VSIG1: variants seen among roughly 807,000 people sequenced by gnomAD.
VSIG1 encodes V-set and immunoglobulin domain-containing protein 1.
Under a neutral mutation model 20.1 loss-of-function variants are expected in VSIG1, and 11 were observed. That is an observed-to-expected ratio of 0.55 (90% CI 0.34 to 0.91). The LOEUF (loss-of-function observed/expected upper bound fraction) is 0.91. Ranked by LOEUF, VSIG1 falls within the 40% of genes least tolerant of loss-of-function variation. The pLI, the probability that VSIG1 is intolerant of heterozygous loss-of-function variation, is 0.02. For missense variants in VSIG1, 283 were observed against 298.8 expected (o/e 0.95, Z 0.39); for synonymous variants, 126 against 116.7 (o/e 1.08, Z -0.52).
intron 1 of VSIG1, among the ~76,000 whole-genome samples, chrX:108,047,977 T>C (rs867078723): frequency 1.4e-4 from 8 of 56,180 alleles, no homozygotes; most frequent in South Asian, 9.3e-4. Flanking sequence ...TATATATATA[T>C]ATATATATAT....
At chrX:108,035,912 T>G in the VSIG1 span, among the ~76,000 whole-genome samples, 1 of 107,483 alleles carries the variant, frequency 9.3e-6, no homozygotes, top group South Asian at 4.3e-4. Flanking sequence ...GGTCTTCTAC[T>G]TACAAGCTGT....
rs1395835076 is a variant in VSIG1 at position 108,047,959 on chromosome X, CACATATAT to C, written c.49+2782_49+2789del. Among the ~76,000 whole-genome samples the C allele has an allele frequency of 5.3e-3, 79 of 14,802 alleles. 5 individuals are homozygous for C. Among genetic ancestry groups the C allele is most frequent in the African/African-American group, 0.017 (42 of 2,417 alleles). 12.9% of individuals were successfully genotyped at this position (14,802 alleles called of 115,157 possible). A position where few individuals can be genotyped will look rare whatever the true frequency, so the allele number is the denominator to read the frequency against. Reference sequence around the variant, plus strand: ...ACACATATATATATATATATACACACACATATATATATATATATATATATATATATATA... The same window carrying C: ...ACACATATATATATATATATACACACATATATATATATATATATATATATA... On this transcript the variant is annotated intron_variant, in intron 1 of 6. Transcript: ENST00000217957.
In VSIG1 at chrX:108,058,212, T is replaced by G; in HGVS notation, c.213+11T>G. 1 of 1,199,926 alleles carries G rather than the reference T, an allele frequency of 8.3e-7. No homozygotes were observed. The highest frequency in any genetic ancestry group is 1.8e-5 in the South Asian group (1 of 54,760). ...ATGGAGCCAATTTCTGTAAGGACAC[T>G]TTTTCCTAAACTCTTCCCCTTTTGT... On this transcript the variant is annotated intron_variant, in intron 2 of 6. Coordinates refer to ENST00000217957, the MANE Select transcript of VSIG1 (RefSeq NM_182607.5).
the VSIG1 span, among the ~76,000 whole-genome samples, chrX:108,038,416 C>A: frequency 9.0e-6 from 1 of 111,633 alleles, no homozygotes; most frequent in African/African-American, 3.3e-5. Context: ...CATGTCCCTG[C>A]AAAGGACATG....
At chrX:108,063,869 TA>T (rs747700380) in intron 2 of VSIG1, among the ~76,000 whole-genome samples, 7 of 111,140 alleles carry the variant, frequency 6.3e-5, no homozygotes, top group Non-Finnish European at 1.3e-4. Context: ...TGGATTTCCT[TA>T]AAAAAATCAC....
upstream of VSIG1, among the ~76,000 whole-genome samples, chrX:108,044,577 A>C (rs751051998): frequency 1.3e-4 from 15 of 111,917 alleles, no homozygotes; most frequent in South Asian, 5.6e-3. Context: ...TAACATATCC[A>C]GAGTTTGTTC....
chrX:108,073,862 T>C (rs1008589647), intron 5 of VSIG1: 4 of 112,057 alleles, frequency 3.6e-5, no homozygotes, highest in Middle Eastern at 4.6e-3. Context: ...CAACCACCCC[T>C]ATCTAGGGAG....
In VSIG1 at chrX:108,047,798, A is replaced by C. The variant is rs1487499621; in HGVS notation, c.49+2619A>C. 7.5e-5 allele frequency among the ~76,000 whole-genome samples: 6 copies of C among 80,070 alleles called. 1 individual carries two copies. Among genetic ancestry groups the C allele is most frequent in the African/African-American group, 2.0e-4 (4 of 19,947 alleles). The allele number at this position is 80,070 out of a possible 115,157, so 69.5% of individuals were successfully genotyped here. A position where few individuals can be genotyped will look rare whatever the true frequency, so the allele number is the denominator to read the frequency against. On this transcript the variant is annotated intron_variant, in intron 1 of 6. Coordinates refer to ENST00000217957, the MANE Select transcript of VSIG1 (RefSeq NM_182607.5). ...TCTCTCTCTCTCTCTCTCTATATAT[A>C]TATATATATACATATATATATACAT...
In VSIG1 at chrX:108,077,534, G is replaced by A. The variant is rs2031376453; in HGVS notation, c.*153G>A. On this transcript the variant is annotated 3_prime_UTR_variant, in exon 7 of 7. Transcript: ENST00000217957. ...CCTACTATGAATCCAGAATAAACAC[G>A]CCAAGATAACAGCTAAATCAGCAAG... 39 of 627,510 alleles carry A rather than the reference G, an allele frequency of 6.2e-5. No homozygotes were observed. In the South Asian group the frequency reaches 7.2e-4, roughly 12 times the overall value. 51.7% of individuals were successfully genotyped at this position (627,510 alleles called of 1,213,427 possible).
intron 1 of VSIG1, among the ~76,000 whole-genome samples, chrX:108,047,427 A>G (rs950081221): frequency 8.1e-5 from 9 of 111,394 alleles, no homozygotes; most frequent in Non-Finnish European, 1.5e-4. Flanking sequence ...TGAAATATGT[A>G]TTAGTCACCT....
At chrX:108,030,778 G>A in the VSIG1 span, among the ~76,000 whole-genome samples, 1 of 111,495 alleles carries the variant, frequency 9.0e-6, no homozygotes, top group Non-Finnish European at 1.9e-5. Context: ...CTGGTTTCTC[G>A]GGATCATTGG....
intron 1 of VSIG1, 91 bp downstream of exon 1, chrX:108,045,270 C>A: frequency 5.5e-6 from 4 of 725,459 alleles, no homozygotes; most frequent in Non-Finnish European, 7.8e-6. Flanking sequence ...GAATTTTCAT[C>A]TCCTGTACTT....
At chrX:108,052,966 G>GTAAAA (rs1477149410) in intron 1 of VSIG1, among the ~76,000 whole-genome samples, 1 of 110,573 alleles carries the variant, frequency 9.0e-6, no homozygotes, top group Non-Finnish European at 1.9e-5. Context: ...TTATAGAACT[G>GTAAAA]TAAAATAAAA....
the VSIG1 span, among the ~76,000 whole-genome samples, chrX:108,020,992 T>C: frequency 2.7e-5 from 3 of 112,032 alleles, no homozygotes; most frequent in Non-Finnish European, 3.8e-5. Context: ...TACTTGTCTG[T>C]GGCTGTCTAC....
the VSIG1 span, among the ~76,000 whole-genome samples, chrX:108,026,659 G>A: frequency 9.0e-6 from 1 of 111,255 alleles, no homozygotes; most frequent in East Asian, 2.8e-4. Context: ...ACTTCAGGAA[G>A]GTGGTCATAT....
chrX:108,041,924 G>T (rs2030488169), upstream of VSIG1, among the ~76,000 whole-genome samples: 1 of 109,276 alleles, frequency 9.2e-6, no homozygotes, highest in African/African-American at 3.3e-5. Context: ...CTTGGGAAAA[G>T]CACAGCACTT....
At chrX:108,034,494 C>T in the VSIG1 span, among the ~76,000 whole-genome samples, 7 of 111,628 alleles carry the variant, frequency 6.3e-5, no homozygotes, top group South Asian at 2.6e-3. Flanking sequence ...TGCCATCTGC[C>T]TGGATGGCCA....
At chrX:108,065,262 C>A (rs2031105125) in intron 2 of VSIG1, among the ~76,000 whole-genome samples, 1 of 111,285 alleles carries the variant, frequency 9.0e-6, no homozygotes, top group South Asian at 3.7e-4. Flanking sequence ...TTTTATTGGC[C>A]TGTTAAGGTA....
At chrX:108,056,476 A>G (rs1176944448) in intron 1 of VSIG1, among the ~76,000 whole-genome samples, 1 of 112,047 alleles carries the variant, frequency 8.9e-6, no homozygotes, top group Non-Finnish European at 1.9e-5. Flanking sequence ...GAAGAAATAA[A>G]ACTCTCTATC....
Sources: allele counts gnomAD v4.1 joint callset (sites outside exome capture counted in the v4.1 genomes callset), GRCh38; gene constraint gnomAD v4.1.1; transcripts MANE v1.5; gene names NCBI Gene and HGNC (gene_info 2026-07-23, HGNC 2026-07-21).